Variants in ZBTB33 observed in about 807,000 individuals in gnomAD.
The protein encoded by ZBTB33 is zinc finger and BTB domain containing 33.
ZBTB33 carries 11 observed loss-of-function variants against 25.9 expected under a neutral mutation model. The observed-to-expected ratio is 0.42, with a 90% CI of 0.27 to 0.70. The LOEUF is 0.70. Among genes scored for constraint, ZBTB33 ranks in the 30% least tolerant of loss-of-function variants. The probability of loss-of-function intolerance (pLI) is 0.23; values close to 1 mark genes in which losing one functional copy is unlikely to be tolerated. For missense variants in ZBTB33, 343 were observed against 501.1 expected (o/e 0.68, Z 3.01); for synonymous variants, 157 against 184.8 (o/e 0.85, Z 1.22).
intron 1 of ZBTB33, among the ~76,000 whole-genome samples, chrX:120,251,405 C>CT (rs1569327335): frequency 9.0e-6 from 1 of 110,744 alleles, no homozygotes; most frequent in East Asian, 2.9e-4. Context: ...TCATCCCCCC[C>CT]CCAACACCCC....
In ZBTB33 at chrX:120,255,586, G is replaced by A; in HGVS notation, c.*152G>A. The stretch of plus-strand genomic sequence containing the variant: ...GGATTTTTGTTGATAATTTTTAGAA[G>A]CAAATTTTCCTGAAAGTTTTGAGTA... On this transcript the variant is annotated 3_prime_UTR_variant, in exon 3 of 3. Transcript: ENST00000557385. 1 of 525,543 alleles carries A rather than the reference G, an allele frequency of 1.9e-6. No homozygotes were observed. The highest frequency in any genetic ancestry group is 3.0e-6 in the Non-Finnish European group (1 of 328,617). 43.3% of individuals were successfully genotyped at this position (525,543 alleles called of 1,213,427 possible). A position where few individuals can be genotyped will look rare whatever the true frequency, so the allele number is the denominator to read the frequency against.
chrX:120,252,999 A>T (rs1369695275), intron 2 of ZBTB33, among the ~76,000 whole-genome samples: 1 of 112,273 alleles, frequency 8.9e-6, no homozygotes, highest in Non-Finnish European at 1.9e-5. Context: ...TACAGGCGAA[A>T]TAACTTCTGT....
intron 1 of ZBTB33, among the ~76,000 whole-genome samples, chrX:120,251,628 G>A (rs1482113062): frequency 8.9e-6 from 1 of 111,795 alleles, no homozygotes; most frequent in African/African-American, 3.3e-5. Flanking sequence ...GCCGCGTGTC[G>A]GTTTGTTTCA....
intron 1 of ZBTB33, among the ~76,000 whole-genome samples, 168 bp from the exon 2 acceptor site, chrX:120,252,501 A>G (rs1358311639): frequency 1.8e-5 from 2 of 112,032 alleles, no homozygotes; most frequent in African/African-American, 6.5e-5. Context: ...AGTCTATTCC[A>G]ATAAGTTAAT....
rs2057619535 is a variant in ZBTB33 at position 120,254,118 on chromosome X, A to G, written c.703A>G (p.Asn235Asp). The G allele has an allele frequency of 1.7e-6, 2 of 1,209,465 alleles. No homozygotes were observed. The highest frequency in any genetic ancestry group is 3.5e-5 in the African/African-American group (2 of 56,955). ...AISDVAPSAS[N>D]NSPPLTNITP... Reference sequence around the variant, plus strand: ...TTCAGATGTTGCACCTAGTGCTAGCAATAACTCGCCCCCTTTAACAAATAT... The same window carrying G: ...TTCAGATGTTGCACCTAGTGCTAGCGATAACTCGCCCCCTTTAACAAATAT... The change falls in exon 3 of 3, where the codon AAT becomes GAT. Residue 235 changes from asparagine (N) to aspartate (D), a missense_variant. Around this residue, in one of 2 missense-constraint regions of ZBTB33, gnomAD observed 304 missense variants for 410.0 expected, o/e 0.74. Transcript: ENST00000557385.
Position 120,255,589 on chromosome X carries a change from A to G in ZBTB33, c.*155A>G. ...TTTTTGTTGATAATTTTTAGAAGCA[A>G]ATTTTCCTGAAAGTTTTGAGTAGAG... On this transcript the variant is annotated 3_prime_UTR_variant, in exon 3 of 3. Transcript: ENST00000557385. 2.0e-6 allele frequency: 1 copy of G among 509,948 alleles called. No individual in the cohort carries two copies. Among genetic ancestry groups the G allele is most frequent in the South Asian group, 3.9e-5 (1 of 25,905 alleles). The allele number at this position is 509,948 out of a possible 1,213,427, so 42.0% of individuals were successfully genotyped here. A position where few individuals can be genotyped will look rare whatever the true frequency, so the allele number is the denominator to read the frequency against.
At chrX:120,252,149 T>TG (rs2057604755) in intron 1 of ZBTB33, among the ~76,000 whole-genome samples, 1 of 111,771 alleles carries the variant, frequency 8.9e-6, no homozygotes, top group African/African-American at 3.3e-5. Context: ...GGTATCATTT[T>TG]GAAAAATTTA....
Position 120,255,169 on chromosome X carries a change from GT to G in ZBTB33, c.1757del (p.Leu586TyrfsTer25). 1 of 1,211,515 alleles carries G rather than the reference GT, an allele frequency of 8.3e-7. No individual in the cohort carries two copies. Among genetic ancestry groups the G allele is most frequent in the Non-Finnish European group, 1.1e-6 (1 of 895,412 alleles). ...CCTTCTGGGGACTCAAAGCTTTATC[GT>G]TTACATCCATGCAGGTCTTTACAAA... Reference protein sequence around the residue: ...QDPSGDSKLYRLHPCRSLQIR... With the variant: ...QDPSGDSKLYXLHPCRSLQIR... On this transcript the variant is annotated frameshift_variant, in exon 3 of 3. Transcript: ENST00000557385. LOFTEE classifies it high-confidence loss of function.
rs1233871435 is a variant in ZBTB33, at chrX:120,258,327, C to G, written c.*2893C>G. ...TTCCCTGTCATGACTTTAAGTTCTA[C>G]TTTTCATTAACCATGGCCTGATATT... On this transcript the variant is annotated 3_prime_UTR_variant, in exon 3 of 3. Transcript: ENST00000557385. The G allele has an allele frequency of 8.1e-6, 1 of 123,543 alleles. No homozygotes were observed. Among genetic ancestry groups the G allele is most frequent in the Non-Finnish European group, 1.9e-5 (1 of 53,294 alleles). 10.2% of individuals were successfully genotyped at this position (123,543 alleles called of 1,213,427 possible).
In ZBTB33 at chrX:120,257,184, G is replaced by A. The variant is rs782179006; in HGVS notation, c.*1750G>A. 1.1e-4 allele frequency: 13 copies of A among 122,396 alleles called. No individual in the cohort carries two copies. Among genetic ancestry groups the A allele is most frequent in the Non-Finnish European group, 2.3e-4 (12 of 52,903 alleles). 10.1% of individuals were successfully genotyped at this position (122,396 alleles called of 1,213,427 possible). A position where few individuals can be genotyped will look rare whatever the true frequency, so the allele number is the denominator to read the frequency against. On this transcript the variant is annotated 3_prime_UTR_variant, in exon 3 of 3. Transcript: ENST00000557385. ...CAAACCATTTGTAAACTAACCCCTGGGAAATTTGAAATTACCTGATAACTT... is the reference window on the plus strand; with the variant it reads ...CAAACCATTTGTAAACTAACCCCTGAGAAATTTGAAATTACCTGATAACTT...
At position 120,253,892 on chromosome X, in the gene ZBTB33, T is replaced by C. The variant is rs2057616751; in HGVS notation, c.477T>C (p.Asn159=). The C allele has an allele frequency of 5.0e-6, 6 of 1,209,235 alleles. No individual in the cohort carries two copies. Among genetic ancestry groups the C allele is most frequent in the African/African-American group, 1.8e-5 (1 of 56,929 alleles). ...AATCAAAAGATGAAGCCCAAGATAA[T>C]GGGGCTACTATAATGCCTATTATAA... ...IQKSKDEAQD[N]GATIMPIITE... Residue 159 remains asparagine (N), a synonymous_variant, in exon 3 of 3, where the codon AAT becomes AAC. Coordinates refer to ENST00000557385, the MANE Select transcript of ZBTB33 (RefSeq NM_001184742.2).
chrX:120,251,240 C>T (rs1287855446), intron 1 of ZBTB33, among the ~76,000 whole-genome samples: 1 of 111,360 alleles, frequency 9.0e-6, no homozygotes, highest in African/African-American at 3.3e-5. Flanking sequence ...GGGAATCCAT[C>T]ACAGAGACCC....
rs2057617357 is a variant in ZBTB33, at chrX:120,253,970, T to C, written c.555T>C (p.Val185=). The change falls in exon 3 of 3, where the codon GTT becomes GTC. Residue 185 remains valine, a synonymous_variant. Coordinates refer to ENST00000557385, the MANE Select transcript of ZBTB33 (RefSeq NM_001184742.2). Reference sequence around the variant, plus strand: ...ATTATGAAATGAAAAAGATCATTGTTACCGATTCTGATGATGATGATGATG... The same window carrying C: ...ATTATGAAATGAAAAAGATCATTGTCACCGATTCTGATGATGATGATGATG... ...AEDYEMKKII[V]TDSDDDDDDV... is the part of the protein sequence containing the mutation. 2.6e-6 allele frequency: 3 copies of C among 1,176,308 alleles called. No individual in the cohort carries two copies. The highest frequency in any genetic ancestry group is 2.3e-5 in the Admixed American group (1 of 42,662).
At position 120,250,818 on chromosome X, in the gene ZBTB33, G is replaced by A. The variant is rs1461650924; in HGVS notation, c.-264G>A. 4.4e-5 allele frequency: 5 copies of A among 113,851 alleles called. No homozygotes were observed. Among genetic ancestry groups the A allele is most frequent in the Non-Finnish European group, 9.3e-5 (5 of 53,826 alleles). The allele number at this position is 113,851 out of a possible 1,213,427, so 9.4% of individuals were successfully genotyped here. On this transcript the variant is annotated 5_prime_UTR_variant, in exon 1 of 3. Coordinates refer to ENST00000557385, the MANE Select transcript of ZBTB33 (RefSeq NM_001184742.2). Reference sequence around the variant, plus strand: ...TCGGCGGCGTGGGGCAGCTGTAGCAGCGTTGGCGGCAGGAGGCGGCGGCCG... The same window carrying A: ...TCGGCGGCGTGGGGCAGCTGTAGCAACGTTGGCGGCAGGAGGCGGCGGCCG...
At chrX:120,251,075 A>T (rs782386927) in intron 1 of ZBTB33, 98 bp downstream of exon 1, 1 of 112,089 alleles carries the variant, frequency 8.9e-6, no homozygotes, top group Non-Finnish European at 1.9e-5. Flanking sequence ...CACTTGAACC[A>T]GGAAGCGGCA....
rs373362053 is a variant in ZBTB33 at position 120,254,534 on chromosome X, G to A, written c.1119G>A (p.Gln373=). The part of the protein sequence containing the change: ...QNTSFDGSLI[Q]KMQIPTLLQE... ...CCAGTTTTGATGGATCATTAATACA[G>A]AAGATGCAGATTCCTACACTTCTTC... Residue 373 remains glutamine (Q), a synonymous_variant, in exon 3 of 3, where the codon CAG becomes CAA. Transcript: ENST00000557385. 5.0e-6 allele frequency: 6 copies of A among 1,209,963 alleles called. No individual in the cohort carries two copies. In the African/African-American group the frequency reaches 1.1e-4, roughly 21 times the overall value.
Position 120,253,584 on chromosome X carries a change from T to A in ZBTB33, c.169T>A (p.Phe57Ile), listed in dbSNP as rs1556014682. ...KNILSASSTYFHQLFSVAGQV... is the reference protein window; with the variant it reads ...KNILSASSTYIHQLFSVAGQV... ...TATTCTTTCAGCTTCTAGTACCTAC[T>A]TCCATCAGCTCTTCTCTGTTGCTGG... Residue 57 changes from phenylalanine to isoleucine, a missense_variant, in exon 3 of 3, where the codon TTC (phenylalanine) becomes ATC (isoleucine). By Grantham distance (21) the Phe-to-Ile change is conservative. Coordinates refer to ENST00000557385, the MANE Select transcript of ZBTB33 (RefSeq NM_001184742.2). 8.2e-7 allele frequency: 1 copy of A among 1,212,246 alleles called. No homozygotes were observed. The highest frequency in any genetic ancestry group is 1.1e-6 in the Non-Finnish European group (1 of 895,646).
intron 1 of ZBTB33, among the ~76,000 whole-genome samples, chrX:120,251,397 A>AT (rs1217049207): frequency 1.9e-5 from 2 of 104,243 alleles, no homozygotes; most frequent in Admixed American, 2.0e-4. Context: ...GCTTCGCTTC[A>AT]TCCCCCCCCC....
In ZBTB33 at chrX:120,257,486, G is replaced by T. The variant is rs1394985917; in HGVS notation, c.*2052G>T. ...TCTACAAGTCTATTATGACAAACCA[G>T]GAACTAATTCTATAATGGAAAACTA... On this transcript the variant is annotated 3_prime_UTR_variant, in exon 3 of 3. Coordinates refer to ENST00000557385, the MANE Select transcript of ZBTB33 (RefSeq NM_001184742.2). 7.3e-5 allele frequency: 9 copies of T among 122,837 alleles called. No individual in the cohort carries two copies. Among genetic ancestry groups the T allele is most frequent in the African/African-American group, 2.9e-4 (9 of 30,723 alleles). 10.1% of individuals were successfully genotyped at this position (122,837 alleles called of 1,213,427 possible). A position where few individuals can be genotyped will look rare whatever the true frequency, so the allele number is the denominator to read the frequency against.
Sources: allele counts gnomAD v4.1 joint callset (sites outside exome capture counted in the v4.1 genomes callset), GRCh38; gene constraint gnomAD v4.1.1; regional missense constraint gnomAD v4.1.1; transcripts MANE v1.5; gene names NCBI Gene and HGNC (gene_info 2026-07-23, HGNC 2026-07-21).